The following MARCHF2 variants were observed in gnomAD, a reference collection of about 807,000 sequenced individuals.
MARCHF2 encodes E3 ubiquitin-protein ligase MARCHF2.
In MARCHF2, 22 loss-of-function variants were observed where a neutral mutation model predicts 24.0. That is an observed-to-expected ratio of 0.92 (90% CI 0.66 to 1.31). The LOEUF (loss-of-function observed/expected upper bound fraction) is 1.31, where lower values mean the gene tolerates loss of function less well. Ranked by LOEUF, MARCHF2 falls within the 50% of genes most tolerant of loss-of-function variation. MARCHF2 has a pLI of 0.00. For synonymous variants in MARCHF2, 154 were observed against 153.0 expected (o/e 1.01, Z -0.05); for missense variants, 301 against 335.3 (o/e 0.90, Z 0.80).
chr19:8,429,846 G>A (rs896001530), intron 3 of MARCHF2, among the ~76,000 whole-genome samples: 14 of 127,852 alleles, frequency 1.1e-4, no homozygotes, highest in African/African-American at 4.2e-4. Flanking sequence ...CTTTTGGCCT[G>A]TCATCTGGGG....
Position 8,435,816 on chromosome 19 carries a change from A to G in MARCHF2, c.583-2572A>G, listed in dbSNP as rs10425047. On this transcript the variant is annotated intron_variant, in intron 4 of 4. Coordinates refer to ENST00000215555, the MANE Select transcript of MARCHF2 (RefSeq NM_001005415.2). ...AGTGCTGGGATTATAGGTGTGAGCC[A>G]CTGCACCTGGCCTGTGTGTGTGTGT... Among the ~76,000 whole-genome samples the G allele has an allele frequency of 4.5e-3, 662 of 148,288 alleles. 4 individuals are homozygous for G. The highest frequency in any genetic ancestry group is 0.016 in the African/African-American group (640 of 40,158).
At chr19:8,421,022 C>T (rs1967222118) in intron 1 of MARCHF2, among the ~76,000 whole-genome samples, 1 of 152,138 alleles carries the variant, frequency 6.6e-6, no homozygotes, top group Admixed American at 6.6e-5. Flanking sequence ...TGGTCTCAAA[C>T]TCCTGGGGCT....
intron 4 of MARCHF2, among the ~76,000 whole-genome samples, chr19:8,431,246 C>T (rs955443170): frequency 9.9e-5 from 15 of 152,126 alleles, no homozygotes; most frequent in Non-Finnish European, 1.2e-4. Context: ...CGCCTGTAAT[C>T]CCAGCACTTT....
At chr19:8,427,540 C>T (rs1332692996) in intron 3 of MARCHF2, among the ~76,000 whole-genome samples, 3 of 148,544 alleles carry the variant, frequency 2.0e-5, no homozygotes, top group African/African-American at 4.9e-5. Flanking sequence ...AAAAAATCAA[C>T]GAAGCAACTG....
chr19:8,437,952 A>G (rs1967774766), intron 4 of MARCHF2, among the ~76,000 whole-genome samples: 1 of 151,920 alleles, frequency 6.6e-6, no homozygotes. Context: ...TAGTAGAGAC[A>G]GGGTTTCTCC....
At chr19:8,436,918 G>T (rs1463483532) in intron 4 of MARCHF2, among the ~76,000 whole-genome samples, 1 of 151,466 alleles carries the variant, frequency 6.6e-6, no homozygotes, top group Non-Finnish European at 1.5e-5. Flanking sequence ...TCAAACTCTG[G>T]ACCTCAGGTG....
intron 3 of MARCHF2, among the ~76,000 whole-genome samples, chr19:8,428,492 G>A (rs568351579): frequency 2.7e-5 from 4 of 147,786 alleles, no homozygotes; most frequent in Admixed American, 1.4e-4. Flanking sequence ...TGTCTCAAAC[G>A]ATGAGGAAAA....
rs760422323 is a variant in MARCHF2 at position 8,430,899 on chromosome 19, C to T, written c.582+32C>T. On this transcript the variant is annotated intron_variant, in intron 4 of 4. Coordinates refer to ENST00000215555, the MANE Select transcript of MARCHF2 (RefSeq NM_001005415.2). This position sits in a 1 kb window ranked among gnomAD's most constrained non-coding sequence, Gnocchi z 4.4. The stretch of plus-strand genomic sequence containing the variant: ...GGCTGTGGTTGTGCAGCACGCGTCT[C>T]GAGCTCTGCCGCTGGGAGCAGCAGG... The T allele has an allele frequency of 1.3e-5, 20 of 1,534,790 alleles. No individual in the cohort carries two copies. In the East Asian group the frequency reaches 2.2e-4, roughly 17 times the overall value.
chr19:8,423,617 G>C (rs1267652863), intron 2 of MARCHF2: 1 of 152,102 alleles, frequency 6.6e-6, no homozygotes, highest in Non-Finnish European at 1.5e-5. Flanking sequence ...CAGGACTGTT[G>C]AGAAAGCAGC....
chr19:8,429,447 G>A (rs897678934), intron 3 of MARCHF2, among the ~76,000 whole-genome samples: 1 of 150,958 alleles, frequency 6.6e-6, no homozygotes, highest in South Asian at 2.1e-4. Context: ...GCAAGACCCT[G>A]TCTCTACAAA....
rs563711068 is a variant in MARCHF2 at position 8,424,731 on chromosome 19, C to T, written c.177-1878C>T. On this transcript the variant is annotated intron_variant, in intron 2 of 4. Coordinates refer to ENST00000215555, the MANE Select transcript of MARCHF2 (RefSeq NM_001005415.2). Reference sequence around the variant, plus strand: ...GCTCTGCTCTCCTCTGTGCTGGCATCATTCACAGGCTCCACACAGACTAGG... The same window carrying T: ...GCTCTGCTCTCCTCTGTGCTGGCATTATTCACAGGCTCCACACAGACTAGG... Among the ~76,000 whole-genome samples the T allele has an allele frequency of 2.6e-5, 4 of 152,174 alleles. No homozygotes were observed. In the South Asian group the frequency reaches 8.3e-4, roughly 32 times the overall value.
At position 8,430,567 on chromosome 19, in the gene MARCHF2, A is replaced by T; in HGVS notation, c.373-91A>T. 2 of 937,526 alleles carry T rather than the reference A, an allele frequency of 2.1e-6. No homozygotes were observed. The highest frequency in any genetic ancestry group is 3.3e-6 in the Non-Finnish European group (2 of 606,500). The allele number at this position is 937,526 out of a possible 1,614,324, so 58.1% of individuals were successfully genotyped here. ...AAAAAAAGAAAGAAGGAAAGGACAGAGGGAGGCCTAGGCCTGGAGGTCCTT... is the reference window on the plus strand; with the variant it reads ...AAAAAAAGAAAGAAGGAAAGGACAGTGGGAGGCCTAGGCCTGGAGGTCCTT... On this transcript the variant is annotated intron_variant, in intron 3 of 4. Transcript: ENST00000215555. The surrounding 1 kb of genome is among the most constrained non-coding windows in gnomAD (Gnocchi z 4.4).
At chr19:8,415,233 C>CA (rs1332499565) in intron 1 of MARCHF2, among the ~76,000 whole-genome samples, 2 of 151,208 alleles carry the variant, frequency 1.3e-5, no homozygotes, top group African/African-American at 4.9e-5. Flanking sequence ...ACCATTTCTA[C>CA]AAAAAAATAC....
At chr19:8,428,283 G>A (rs1481503469) in intron 3 of MARCHF2, among the ~76,000 whole-genome samples, 1 of 150,042 alleles carries the variant, frequency 6.7e-6, no homozygotes, top group African/African-American at 2.5e-5. Context: ...AGCCAGGTAT[G>A]GTGGTGGGTG....
chr19:8,428,986 C>CA (rs1967499540), intron 3 of MARCHF2, among the ~76,000 whole-genome samples: 2 of 142,388 alleles, frequency 1.4e-5, no homozygotes, highest in African/African-American at 2.9e-5. Context: ...ACCTAGGAGC[C>CA]AGAGTGTAGG....
chr19:8,413,463 CG>C (rs1261083530), intron 1 of MARCHF2, 43 bp downstream of exon 1: 6 of 151,940 alleles, frequency 3.9e-5, no homozygotes, highest in Admixed American at 3.9e-4. Context: ...CGCCAGTCCG[CG>C]GGCCGGCCCC....
chr19:8,417,099 A>G (rs1967104460), intron 1 of MARCHF2, among the ~76,000 whole-genome samples: 1 of 151,752 alleles, frequency 6.6e-6, no homozygotes, highest in Non-Finnish European at 1.5e-5. Context: ...ATATTAGAAC[A>G]CCACATGCAG....
Position 8,415,733 on chromosome 19 carries a change from AAC to A in MARCHF2, c.-53+2315_-53+2316del, listed in dbSNP as rs1187515975. Among the ~76,000 whole-genome samples the A allele has an allele frequency of 7.6e-4, 61 of 80,474 alleles. 5 individuals carry two copies. Among genetic ancestry groups the A allele is most frequent in the African/African-American group, 2.2e-3 (46 of 21,236 alleles). The allele number at this position is 80,474 out of a possible 152,430, so 52.8% of individuals were successfully genotyped here. On this transcript the variant is annotated intron_variant, in intron 1 of 4. Coordinates refer to ENST00000215555, the MANE Select transcript of MARCHF2 (RefSeq NM_001005415.2). ...TGAAACTCCATCTCAAAAAAAAAAA[AAC>A]AAAAAAAACAAAAAAAAAAACCAGA...
chr19:8,424,044 G>A (rs905938310), intron 2 of MARCHF2, among the ~76,000 whole-genome samples: 2 of 151,246 alleles, frequency 1.3e-5, no homozygotes, highest in Non-Finnish European at 2.9e-5. Flanking sequence ...GGAAATTGGC[G>A]TTGTCTGGAA....
Sources: gnomAD v4.1 joint callset for allele counts (sites outside exome capture counted in the v4.1 genomes callset) on GRCh38, gnomAD v4.1.1 for gene constraint, Gnocchi (gnomAD v3.1) non-coding constraint, MANE v1.5 for transcripts, NCBI Gene and HGNC (gene_info 2026-07-23, HGNC 2026-07-21) for gene names.